Variants in ULK4 observed in about 807,000 individuals in gnomAD.
The protein encoded by ULK4 is unc-51 like kinase 4.
A neutral mutation model predicts 160.6 loss-of-function variants in ULK4; 133 were observed. The observed-to-expected ratio is 0.83, with a 90% CI of 0.72 to 0.96. The LOEUF (loss-of-function observed/expected upper bound fraction) is 0.96. Ranked by LOEUF, ULK4 falls within the 40% of genes least tolerant of loss-of-function variation. The pLI is 0.00. For missense variants in ULK4, 1,580 were observed against 1,499.5 expected, an observed-to-expected ratio of 1.05 and a Z score of -0.89; for synonymous variants, 534 against 539.8, an observed-to-expected ratio of 0.99 and a Z score of 0.15.
chr3:41,759,767 A>T (rs2038925099), intron 21 of ULK4, among the ~76,000 whole-genome samples: 1 of 152,208 alleles, frequency 6.6e-6, no homozygotes, highest in African/African-American at 2.4e-5. Context: ...ACAAAATGAT[A>T]GACACATAGA....
intron 19 of ULK4, among the ~76,000 whole-genome samples, chr3:41,812,415 T>C (rs2040844715): frequency 6.6e-6 from 1 of 151,892 alleles, no homozygotes; most frequent in African/African-American, 2.4e-5. Context: ...AAACTTTTGG[T>C]GGAACACACA....
intron 32 of ULK4, among the ~76,000 whole-genome samples, chr3:41,534,086 G>A (rs1575372235): frequency 1.3e-5 from 2 of 152,174 alleles, no homozygotes; most frequent in Admixed American, 6.5e-5. Flanking sequence ...GATTACAGGC[G>A]TGAGCCACCT....
chr3:41,913,857 G>C (rs1349866713), intron 8 of ULK4, among the ~76,000 whole-genome samples: 2 of 152,102 alleles, frequency 1.3e-5, no homozygotes, highest in Admixed American at 6.5e-5. Context: ...CAGCTACTTG[G>C]GAGGCTGAGG....
chr3:41,357,071 G>A (rs1164203218), intron 35 of ULK4, among the ~76,000 whole-genome samples: 1 of 152,148 alleles, frequency 6.6e-6, no homozygotes, highest in Non-Finnish European at 1.5e-5. Context: ...ACTGGAGGGT[G>A]TTGGACCCCA....
chr3:41,572,149 A>T (rs2088000475), intron 31 of ULK4, among the ~76,000 whole-genome samples: 2 of 152,188 alleles, frequency 1.3e-5, no homozygotes, highest in Non-Finnish European at 2.9e-5. Context: ...TTCATTGGTG[A>T]AGCTGGGATT....
chr3:41,801,906 T>TA (rs1328301946), intron 19 of ULK4, among the ~76,000 whole-genome samples: 1 of 145,706 alleles, frequency 6.9e-6, no homozygotes, highest in African/African-American at 2.5e-5. Flanking sequence ...GCAACTAGAG[T>TA]AAAAAGGCAT....
At chr3:41,449,679 A>G (rs1465963778) in intron 34 of ULK4, among the ~76,000 whole-genome samples, 1 of 152,170 alleles carries the variant, frequency 6.6e-6, no homozygotes, top group East Asian at 1.9e-4. Flanking sequence ...CCATTTGAAA[A>G]GAAAAATCTG....
At chr3:41,637,215 C>T (rs2033993578) in intron 30 of ULK4, among the ~76,000 whole-genome samples, 1 of 152,154 alleles carries the variant, frequency 6.6e-6, no homozygotes, top group South Asian at 2.1e-4. Context: ...CCTTCCCTCA[C>T]CCCTCAGTAA....
chr3:41,618,855 T>C (rs1207924587), intron 30 of ULK4, among the ~76,000 whole-genome samples: 1 of 151,970 alleles, frequency 6.6e-6, no homozygotes, highest in African/African-American at 2.4e-5. Flanking sequence ...TCAAGACCCA[T>C]TGGGGTGCTG....
intron 32 of ULK4, among the ~76,000 whole-genome samples, chr3:41,485,123 T>A (rs2084477748): frequency 6.6e-6 from 1 of 152,184 alleles, no homozygotes; most frequent in Non-Finnish European, 1.5e-5. Flanking sequence ...ATTTCACAGA[T>A]GACGAAACTG....
chr3:41,375,272 G>T lies in ULK4; in HGVS notation c.3678+22807C>A, dbSNP rs372431226. Among the ~76,000 whole-genome samples, 6 of 152,178 alleles carry T rather than the reference G, an allele frequency of 3.9e-5. No individual in the cohort carries two copies. In the East Asian group the frequency reaches 5.8e-4, roughly 15 times the overall value. ...TACCACTGACTTTCTTCAGAGAATAGGAAAAACTACTTTAAAATTCATATG... is the reference window on the plus strand; with the variant it reads ...TACCACTGACTTTCTTCAGAGAATATGAAAAACTACTTTAAAATTCATATG... On this transcript the variant is annotated intron_variant, in intron 35 of 36. Coordinates refer to ENST00000301831, the MANE Select transcript of ULK4 (RefSeq NM_017886.4).
intron 1 of ULK4, among the ~76,000 whole-genome samples, chr3:41,961,638 G>A (rs1323091741): frequency 2.7e-5 from 4 of 149,478 alleles, no homozygotes; most frequent in Admixed American, 2.7e-4. Flanking sequence ...GTAGGCATCA[G>A]TCCGCGAGAC....
intron 29 of ULK4, among the ~76,000 whole-genome samples, chr3:41,674,690 A>G (rs1412173337): frequency 6.6e-6 from 1 of 152,230 alleles, no homozygotes; most frequent in Non-Finnish European, 1.5e-5. Context: ...CAACTTAGTA[A>G]GTACATAGTT....
chr3:41,636,047 A>T (rs2033938384), intron 30 of ULK4, among the ~76,000 whole-genome samples: 1 of 152,200 alleles, frequency 6.6e-6, no homozygotes, highest in South Asian at 2.1e-4. Context: ...TGGGGTTTAG[A>T]AATCACTTCA....
At chr3:41,887,748 G>A (rs1697774554) in intron 16 of ULK4, among the ~76,000 whole-genome samples, 1 of 140,876 alleles carries the variant, frequency 7.1e-6, no homozygotes, top group Non-Finnish European at 1.6e-5. Flanking sequence ...TTGAACCCAG[G>A]AGGTGGAGGT....
chr3:41,644,950 A>G (rs1332741811), intron 30 of ULK4, among the ~76,000 whole-genome samples: 2 of 151,836 alleles, frequency 1.3e-5, no homozygotes, highest in African/African-American at 4.8e-5. Context: ...GAATTTATCC[A>G]TTTCTTCTAG....
At chr3:41,685,122 C>A (rs961857019) in intron 27 of ULK4, among the ~76,000 whole-genome samples, 3 of 152,216 alleles carry the variant, frequency 2.0e-5, no homozygotes, top group Non-Finnish European at 4.4e-5. Flanking sequence ...ATTTTCCCCT[C>A]CATGAACAAC....
chr3:41,589,074 G>A (rs757221864), intron 31 of ULK4, among the ~76,000 whole-genome samples: 15 of 151,700 alleles, frequency 9.9e-5, no homozygotes, highest in Admixed American at 2.6e-4. Flanking sequence ...AAGAGGATAT[G>A]CAATTACCCT....
chr3:41,817,879 C>G (rs1298747275), intron 19 of ULK4, among the ~76,000 whole-genome samples: 1 of 151,986 alleles, frequency 6.6e-6, no homozygotes, highest in Non-Finnish European at 1.5e-5. Context: ...AGACATTTCT[C>G]AAAAGAAGAC....
Sources: gnomAD v4.1 joint callset for allele counts (sites outside exome capture counted in the v4.1 genomes callset) on GRCh38, gnomAD v4.1.1 for gene constraint, MANE v1.5 for transcripts, NCBI Gene and HGNC (gene_info 2026-07-23, HGNC 2026-07-21) for gene names.